Variants in HMGB1 observed in about 807,000 individuals in gnomAD.
HMGB1 encodes the protein high mobility group box 1, also known as high mobility group protein B1.
For synonymous variants in HMGB1, 81 were observed against 84.0 expected (o/e 0.96, Z 0.19); for missense variants, 79 against 253.5 (o/e 0.31, Z 4.67).
intron 1 of HMGB1, among the ~76,000 whole-genome samples, chr13:30,583,838 AAAAAGAAAG>A (rs1246425166): frequency 2.7e-5 from 4 of 146,622 alleles, no homozygotes; most frequent in South Asian, 2.2e-4. Context: ...AAAAAAAAAA[AAAAAGAAAG>A]AAAGAAAGAA....
chr13:30,494,486 G>A (rs955359438), intron 1 of HMGB1, among the ~76,000 whole-genome samples: 12 of 151,796 alleles, frequency 7.9e-5, no homozygotes, highest in Non-Finnish European at 1.0e-4. Flanking sequence ...CTCAGCCTCC[G>A]GTGTAGCTGG....
At chr13:30,605,781 T>C (rs369994089) in intron 1 of HMGB1, among the ~76,000 whole-genome samples, 19 of 152,136 alleles carry the variant, frequency 1.2e-4, no homozygotes, top group South Asian at 1.2e-3. Flanking sequence ...TGCAAACATA[T>C]AAAAAAGCTG....
intron 1 of HMGB1, among the ~76,000 whole-genome samples, chr13:30,544,342 T>C (rs745433626): frequency 1.8e-4 from 27 of 152,194 alleles, no homozygotes; most frequent in Non-Finnish European, 3.4e-4. Context: ...ATGAGATGAC[T>C]AATGGCTGGG....
At position 30,522,109 on chromosome 13, in the gene HMGB1, C is replaced by CTTTTTTT. The variant is rs35096026; in HGVS notation, c.-14-58422_-14-58416dup. ...TGTGAGTTAAAACATAATTATGATA[C>CTTTTTTT]TTTTTTTTTTTTTTTTTGGGCAAGA... On this transcript the variant is annotated intron_variant, in intron 1 of 4. Transcript: ENST00000405805. Among the ~76,000 whole-genome samples, 9 of 130,142 alleles carry CTTTTTTT rather than the reference C, an allele frequency of 6.9e-5. 1 individual carries two copies. Among genetic ancestry groups the CTTTTTTT allele is most frequent in the Non-Finnish European group, 1.4e-4 (9 of 63,094 alleles). The allele number at this position is 130,142 out of a possible 152,430, so 85.4% of individuals were successfully genotyped here.
chr13:30,566,629 A>G (rs1020463492), intron 1 of HMGB1, among the ~76,000 whole-genome samples: 41 of 152,360 alleles, frequency 2.7e-4, no homozygotes, highest in African/African-American at 9.1e-4. Context: ...TGAAGCAATG[A>G]TATCTCGATC....
intron 1 of HMGB1, among the ~76,000 whole-genome samples, chr13:30,571,634 T>TA (rs1870441278): frequency 6.6e-6 from 1 of 152,174 alleles, no homozygotes; most frequent in Admixed American, 6.5e-5. Flanking sequence ...AGCTGTAGAA[T>TA]AAAAATCTAC....
rs1356201662 is a variant in HMGB1 at position 30,456,780 on chromosome 13, G to GGGGGGGA, written c.*4576_*4577insTCCCCCC. The GGGGGGGA allele has an allele frequency of 1.7e-5, 2 of 120,400 alleles. No individual in the cohort carries two copies. The highest frequency in any genetic ancestry group is 8.1e-5 in the Admixed American group (1 of 12,386). The allele number at this position is 120,400 out of a possible 1,614,324, so 7.5% of individuals were successfully genotyped here. ...GTGGGCGGGGGGGGGGGGTGGTGGG[G>GGGGGGGA]TGCAATTTATCAACATCTTCCAAAA... On this transcript the variant is annotated 3_prime_UTR_variant, in exon 5 of 5. Transcript: ENST00000341423.
rs1192948579 is a variant in HMGB1 at position 30,475,759 on chromosome 13, G to A, written c.-14-12065C>T. On this transcript the variant is annotated intron_variant, in intron 1 of 4. Coordinates refer to the HMGB1 transcript ENST00000405805. ...AGAAATCTTCACAATAAAAAATCCAGATATTTGGCTTCTTTTGAAAAGTGA... is the reference window on the plus strand; with the variant it reads ...AGAAATCTTCACAATAAAAAATCCAAATATTTGGCTTCTTTTGAAAAGTGA... 2.0e-5 allele frequency among the ~76,000 whole-genome samples: 3 copies of A among 152,132 alleles called. No homozygotes were observed. The South Asian group carries it at 6.2e-4, about 32-fold the overall frequency.
At chr13:30,575,181 G>T (rs1870597737) in intron 1 of HMGB1, among the ~76,000 whole-genome samples, 1 of 152,154 alleles carries the variant, frequency 6.6e-6, no homozygotes, top group African/African-American at 2.4e-5. Flanking sequence ...TGCTTATGTA[G>T]TTAGTAAAAA....
At chr13:30,474,985 A>T (rs1593264537) in intron 1 of HMGB1, among the ~76,000 whole-genome samples, 1 of 65,258 alleles carries the variant, frequency 1.5e-5, no homozygotes, top group African/African-American at 6.0e-5. Context: ...TTTTTTTGAG[A>T]CAGGGTCTCC....
intron 1 of HMGB1, among the ~76,000 whole-genome samples, chr13:30,588,865 C>T (rs1049006356): frequency 2.6e-5 from 4 of 151,800 alleles, no homozygotes; most frequent in Non-Finnish European, 4.4e-5. Flanking sequence ...TGCAGTGAGC[C>T]GACATCGCGC....
rs68170969 is a variant in HMGB1 at position 30,495,480 on chromosome 13, C to CT, written c.-14-31787dup. On this transcript the variant is annotated intron_variant, in intron 1 of 4. Coordinates refer to the HMGB1 transcript ENST00000405805. ...AATATTTCCCTTTTCTTTTTCTTTT[C>CT]TTTTTTTTTTTTTTTGGAGACGGAG... 4.3e-3 allele frequency among the ~76,000 whole-genome samples: 575 copies of CT among 134,458 alleles called. 3 individuals carry two copies. Among genetic ancestry groups the CT allele is most frequent in the South Asian group, 9.4e-3 (39 of 4,162 alleles). 88.2% of individuals were successfully genotyped at this position (134,458 alleles called of 152,430 possible). A position where few individuals can be genotyped will look rare whatever the true frequency, so the allele number is the denominator to read the frequency against.
chr13:30,508,815 T>A (rs1887928321), intron 1 of HMGB1, among the ~76,000 whole-genome samples: 1 of 152,246 alleles, frequency 6.6e-6, no homozygotes, highest in South Asian at 2.1e-4. Context: ...TCATTAGCTG[T>A]GCTTTTGGAA....
At chr13:30,568,519 GA>G (rs1053272795) in intron 1 of HMGB1, among the ~76,000 whole-genome samples, 2 of 151,650 alleles carry the variant, frequency 1.3e-5, no homozygotes, top group African/African-American at 4.8e-5. Context: ...CAGGAGAAAA[GA>G]AAAAAAGGTC....
chr13:30,499,649 C>A (rs570209569), intron 1 of HMGB1, among the ~76,000 whole-genome samples: 4 of 152,124 alleles, frequency 2.6e-5, no homozygotes, highest in Admixed American at 6.5e-5. Flanking sequence ...GAGAAATAAA[C>A]CTTCATTAAT....
At chr13:30,581,624 G>A (rs542582553) in intron 1 of HMGB1, among the ~76,000 whole-genome samples, 2 of 152,278 alleles carry the variant, frequency 1.3e-5, no homozygotes, top group East Asian at 3.9e-4. Flanking sequence ...AGAACCACAA[G>A]TATTAGAAGT....
intron 1 of HMGB1, among the ~76,000 whole-genome samples, chr13:30,597,426 C>T (rs1239520734): frequency 1.3e-5 from 2 of 152,194 alleles, no homozygotes; most frequent in Non-Finnish European, 2.9e-5. Flanking sequence ...TTTTGGACTT[C>T]TAGTCTTCAG....
chr13:30,604,115 T>C (rs182069079), intron 1 of HMGB1, among the ~76,000 whole-genome samples: 2 of 149,564 alleles, frequency 1.3e-5, no homozygotes, highest in East Asian at 4.0e-4. Context: ...GATGCCCTTT[T>C]CAATCTGCAC....
intron 1 of HMGB1, among the ~76,000 whole-genome samples, chr13:30,480,487 A>G (rs1397475181): frequency 6.6e-6 from 1 of 152,194 alleles, no homozygotes; most frequent in Non-Finnish European, 1.5e-5. Context: ...CAGGCTCCTG[A>G]ATAGCTGGAA....
Sources: gnomAD v4.1 joint callset for allele counts (sites outside exome capture counted in the v4.1 genomes callset) on GRCh38, gnomAD v4.1.1 for gene constraint, MANE v1.5 for transcripts, NCBI Gene and HGNC (gene_info 2026-07-23, HGNC 2026-07-21) for gene names.